Variants in USP33 observed in about 807,000 individuals in gnomAD.
USP33 encodes ubiquitin specific peptidase 33.
Under a neutral mutation model 124.2 loss-of-function variants are expected in USP33, and 46 were observed. That is an observed-to-expected ratio of 0.37 (90% CI 0.29 to 0.47). The LOEUF (loss-of-function observed/expected upper bound fraction) is 0.47, where lower values mean the gene tolerates loss of function less well. Among genes scored for constraint, USP33 ranks in the 20% least tolerant of loss-of-function variants. The pLI, the probability that USP33 is intolerant of heterozygous loss-of-function variation, is 0.99. For missense variants in USP33, 851 were observed against 1,070.6 expected (o/e 0.79, Z 2.86); for synonymous variants, 350 against 352.3 (o/e 0.99, Z 0.07).
At chr1:77,748,862 G>A (rs1680022756) in intron 1 of USP33, among the ~76,000 whole-genome samples, 1 of 133,762 alleles carries the variant, frequency 7.5e-6, no homozygotes, top group African/African-American at 2.8e-5. Context: ...GCATTGACTA[G>A]CTTTGCATTC....
chr1:77,709,711 A>C (rs1001584217), intron 21 of USP33, among the ~76,000 whole-genome samples: 1 of 151,706 alleles, frequency 6.6e-6, no homozygotes, highest in African/African-American at 2.4e-5. Context: ...CTACTGGAGT[A>C]ATCAATAGAT....
At chr1:77,716,961 G>A (rs1013303665) in intron 17 of USP33, among the ~76,000 whole-genome samples, 4 of 151,632 alleles carry the variant, frequency 2.6e-5, no homozygotes, top group Admixed American at 6.6e-5. Context: ...CACCTTCCAG[G>A]TTCAAGCGAT....
chr1:77,697,219 AT>A lies in USP33; in HGVS notation c.*97del. ...TAAATGGGATAAATGATGAAAAAAAATAAAGCAAATAAACACGCTTTTAGGA... is the reference window on the plus strand; with the variant it reads ...TAAATGGGATAAATGATGAAAAAAAAAAAGCAAATAAACACGCTTTTAGGA... On this transcript the variant is annotated 3_prime_UTR_variant, in exon 24 of 24. Transcript: ENST00000370794. 8.5e-7 allele frequency: 1 copy of A among 1,179,920 alleles called. No homozygotes were observed. Among genetic ancestry groups the A allele is most frequent in the Non-Finnish European group, 1.2e-6 (1 of 861,274 alleles). 73.1% of individuals were successfully genotyped at this position (1,179,920 alleles called of 1,614,324 possible). A position where few individuals can be genotyped will look rare whatever the true frequency, so the allele number is the denominator to read the frequency against.
intron 12 of USP33, among the ~76,000 whole-genome samples, chr1:77,723,020 C>T (rs538730545): frequency 6.6e-6 from 1 of 152,270 alleles, no homozygotes; most frequent in African/African-American, 2.4e-5. Flanking sequence ...ATTTCATCAG[C>T]CTGGGAGAAT....
chr1:77,736,229 T>C (rs1678435518), intron 5 of USP33, 71 bp from the exon 6 acceptor site: 4 of 935,916 alleles, frequency 4.3e-6, no homozygotes, highest in Admixed American at 4.8e-5. Flanking sequence ...TTGTAACTTA[T>C]ATAACATCTA....
intron 21 of USP33, among the ~76,000 whole-genome samples, chr1:77,703,136 TTCTTCC>T (rs1196535340): frequency 6.6e-6 from 1 of 152,144 alleles, no homozygotes; most frequent in Non-Finnish European, 1.5e-5. Context: ...CTCATCTTCT[TTCTTCC>T]TCATTTTTCA....
intron 21 of USP33, among the ~76,000 whole-genome samples, chr1:77,705,996 T>C (rs1674584374): frequency 6.6e-6 from 1 of 152,254 alleles, no homozygotes; most frequent in African/African-American, 2.4e-5. Flanking sequence ...CCATGATCTT[T>C]TTACTGCTGA....
chr1:77,740,914 C>A lies in USP33; in HGVS notation c.161G>T (p.Gly54Val). The change falls in exon 4 of 24, where the codon GGT (glycine) becomes GTT (valine). Residue 54 changes from glycine (G) to valine (V), a missense_variant. Transcript: ENST00000370794. ...LENRCSYVGCGESQVDHSTIH... is the reference protein window; with the variant it reads ...LENRCSYVGCVESQVDHSTIH... ...GGTGCTGTGATCTACTTGTGATTCA[C>A]CACAGCCAACATATGAACATCTATT... 6.4e-7 allele frequency: 1 copy of A among 1,566,336 alleles called. No homozygotes were observed. Among genetic ancestry groups the A allele is most frequent in the Non-Finnish European group, 8.7e-7 (1 of 1,152,940 alleles).
intron 6 of USP33, 136 bp from the exon 7 acceptor site, chr1:77,734,552 G>T: frequency 1.7e-6 from 1 of 572,120 alleles, no homozygotes; most frequent in Non-Finnish European, 3.0e-6. Flanking sequence ...ATTCAGAGAG[G>T]TCACACTTTG....
At chr1:77,746,255 T>G (rs1191740241) in intron 1 of USP33, 1 of 152,100 alleles carries the variant, frequency 6.6e-6, no homozygotes, top group African/African-American at 2.4e-5. Flanking sequence ...TATAAACACC[T>G]CTACGCAAAT....
chr1:77,698,431 C>G (rs1159978763), intron 22 of USP33, among the ~76,000 whole-genome samples: 1 of 151,294 alleles, frequency 6.6e-6, no homozygotes, highest in Non-Finnish European at 1.5e-5. Context: ...TTAGTTCCCC[C>G]AAAACAGAAC....
At chr1:77,699,906 G>A (rs1342550204) in intron 22 of USP33, among the ~76,000 whole-genome samples, 1 of 152,166 alleles carries the variant, frequency 6.6e-6, no homozygotes, top group African/African-American at 2.4e-5. Flanking sequence ...CATGGATGGA[G>A]CTGGAAGCCA....
At chr1:77,718,265 G>A (rs2101345967) in intron 16 of USP33, among the ~76,000 whole-genome samples, 1 of 152,246 alleles carries the variant, frequency 6.6e-6, no homozygotes, top group Non-Finnish European at 1.5e-5. Context: ...GTATTGATCT[G>A]CAATTATAAC....
chr1:77,747,868 C>T (rs1679896166), intron 1 of USP33, among the ~76,000 whole-genome samples: 1 of 152,176 alleles, frequency 6.6e-6, no homozygotes, highest in Admixed American at 6.5e-5. Context: ...AAATAATCTC[C>T]CCATTTCCCA....
At chr1:77,748,448 A>AAC in intron 1 of USP33, among the ~76,000 whole-genome samples, 1 of 152,168 alleles carries the variant, frequency 6.6e-6, no homozygotes, top group Admixed American at 6.5e-5. Flanking sequence ...AGGCGGGTGG[A>AAC]TCACAAGATC....
At chr1:77,752,210 C>T (rs1304427060) in intron 1 of USP33, among the ~76,000 whole-genome samples, 2 of 151,666 alleles carry the variant, frequency 1.3e-5, no homozygotes, top group African/African-American at 2.4e-5. Flanking sequence ...AATCTCGGCT[C>T]ACTTGCAACT....
intron 10 of USP33, among the ~76,000 whole-genome samples, 189 bp from the exon 11 acceptor site, chr1:77,725,951 T>C (rs980070411): frequency 6.6e-6 from 1 of 152,186 alleles, no homozygotes; most frequent in Admixed American, 6.5e-5. Flanking sequence ...AACTAATTTT[T>C]GTTTACTTGT....
intron 19 of USP33, chr1:77,713,563 T>C (rs980740364): frequency 1.2e-5 from 3 of 242,984 alleles, no homozygotes; most frequent in Non-Finnish European, 2.3e-5. Context: ...TTTTCTTTTT[T>C]TTTTTTTTTT....
intron 1 of USP33, among the ~76,000 whole-genome samples, chr1:77,754,371 T>C (rs569260063): frequency 2.4e-4 from 37 of 152,184 alleles, no homozygotes; most frequent in East Asian, 1.9e-4. Flanking sequence ...TGGAAGAAAA[T>C]TGCTACCCAA....
Sources: gnomAD v4.1 joint callset for allele counts (sites outside exome capture counted in the v4.1 genomes callset) on GRCh38, gnomAD v4.1.1 for gene constraint, MANE v1.5 for transcripts, NCBI Gene and HGNC (gene_info 2026-07-23, HGNC 2026-07-21) for gene names.